THSD4: variants seen among roughly 807,000 people sequenced by gnomAD.
THSD4 encodes thrombospondin type-1 domain-containing protein 4.
In THSD4, 69 loss-of-function variants were observed where a neutral mutation model predicts 119.0. The observed-to-expected ratio is 0.58, with a 90% confidence interval of 0.48 to 0.71. The LOEUF is 0.71. THSD4 is among the 30% of genes least tolerant of loss of function. The probability of loss-of-function intolerance (pLI) is 0.00; values close to 1 mark genes in which losing one functional copy is unlikely to be tolerated. For synonymous variants in THSD4, 524 were observed against 540.4 expected, an observed-to-expected ratio of 0.97 and a Z score of 0.42; for missense variants, 1,393 against 1,391.1, an observed-to-expected ratio of 1.00 and a Z score of -0.02.
At position 71,263,564 on chromosome 15, in the gene THSD4, G is replaced by C. The variant is rs571078408; in HGVS notation, c.1015+6849G>C. Reference sequence around the variant, plus strand: ...TCTGTCTCTAAGTCTTTGAGGAATTGCCACAGTGTCTTCCACAATGGGTGA... The same window carrying C: ...TCTGTCTCTAAGTCTTTGAGGAATTCCCACAGTGTCTTCCACAATGGGTGA... On this transcript the variant is annotated intron_variant, in intron 6 of 17. Coordinates refer to ENST00000261862, the MANE Select transcript of THSD4 (RefSeq NM_024817.3). Among the ~76,000 whole-genome samples, 6 of 152,236 alleles carry C rather than the reference G, an allele frequency of 3.9e-5. No individual in the cohort carries two copies. In the South Asian group the frequency reaches 1.2e-3, roughly 32 times the overall value.
rs1309058709 is a variant in THSD4 at position 71,746,945 on chromosome 15, A to G, written c.2144A>G (p.Gln715Arg). 1 of 1,613,772 alleles carries G rather than the reference A, an allele frequency of 6.2e-7. No homozygotes were observed. The highest frequency in any genetic ancestry group is 8.5e-7 in the Non-Finnish European group (1 of 1,180,034). The change falls in exon 13 of 18, where the codon CAG becomes CGG. Residue 715 changes from glutamine to arginine, a missense_variant. Gln to Arg is a conservative substitution (Grantham distance 43). Transcript: ENST00000261862. ...QVYANRSLTV[Q>R]PYRCQHLEKP... is the part of the protein sequence containing the mutation. ...TACGCCAACCGCAGCCTGACGGTGC[A>G]GCCCTACCGCTGCCAGCACCTGGAG...
intron 6 of THSD4, among the ~76,000 whole-genome samples, chr15:71,335,361 A>G (rs576343077): frequency 6.6e-6 from 1 of 152,196 alleles, no homozygotes; most frequent in Non-Finnish European, 1.5e-5. Flanking sequence ...TGAACCAAGT[A>G]CCCCCTAACC....
Position 71,724,287 on chromosome 15 carries a change from A to ATATATATATAT in THSD4, c.1358-4261_1358-4260insATATATATATT. ...ATGGGATATATATATATATATATAT[A>ATATATATATAT]TTTTTTTTTTCCCCCCAAGATGGAA... On this transcript the variant is annotated intron_variant, in intron 8 of 17. Coordinates refer to ENST00000261862, the MANE Select transcript of THSD4 (RefSeq NM_024817.3). 5.9e-4 allele frequency among the ~76,000 whole-genome samples: 22 copies of ATATATATATAT among 37,282 alleles called. 1 individual carries two copies. The highest frequency in any genetic ancestry group is 1.6e-3 in the Admixed American group (4 of 2,426). 24.5% of individuals were successfully genotyped at this position (37,282 alleles called of 152,430 possible). A position where few individuals can be genotyped will look rare whatever the true frequency, so the allele number is the denominator to read the frequency against.
At position 71,631,869 on chromosome 15, in the gene THSD4, C is replaced by T. The variant is rs562800607; in HGVS notation, c.1153-28661C>T. Reference sequence around the variant, plus strand: ...TCTGGGTTTCGGTTCAGGGAACTATCATTCCGTCCAATATCCCAAGCTACA... The same window carrying T: ...TCTGGGTTTCGGTTCAGGGAACTATTATTCCGTCCAATATCCCAAGCTACA... On this transcript the variant is annotated intron_variant, in intron 7 of 17. Transcript: ENST00000261862. Among the ~76,000 whole-genome samples the T allele has an allele frequency of 2.6e-5, 4 of 152,298 alleles. No homozygotes were observed. In the East Asian group the frequency reaches 7.7e-4, roughly 29 times the overall value.
chr15:71,748,526 A>G lies in THSD4; in HGVS notation c.2347A>G (p.Asn783Asp). The G allele has an allele frequency of 6.2e-7, 1 of 1,614,186 alleles. No homozygotes were observed. Among genetic ancestry groups the G allele is most frequent in the Non-Finnish European group, 8.5e-7 (1 of 1,180,026 alleles). Residue 783 changes from asparagine (N) to aspartate (D), a missense_variant, in exon 14 of 18, where the codon AAT becomes GAT. Physicochemically the swap from Asn to Asp is conservative, Grantham distance 23. Transcript: ENST00000261862. ...GGAATGCAACATGAAGCTCCGGCCG[A>G]ATGACATTGAGAACTGCGACATGGG... ...DEECNMKLRP[N>D]DIENCDMGPC...
chr15:71,738,614 G>A (rs1230062295), intron 11 of THSD4, among the ~76,000 whole-genome samples: 2 of 152,206 alleles, frequency 1.3e-5, no homozygotes, highest in African/African-American at 4.8e-5. Flanking sequence ...CAGCTTCCAG[G>A]TGTTGCCTCC....
At chr15:71,142,091 TA>T (rs963235754) in intron 2 of THSD4, among the ~76,000 whole-genome samples, 134 of 152,008 alleles carry the variant, frequency 8.8e-4, no homozygotes, top group African/African-American at 3.0e-3. Context: ...CTAAAGAACT[TA>T]AAAAAATTGT....
At chr15:71,564,666 TATATTATAACATATAATACAA>T (rs1300723951) in intron 7 of THSD4, among the ~76,000 whole-genome samples, 1 of 75,774 alleles carries the variant, frequency 1.3e-5, no homozygotes, top group African/African-American at 8.0e-5. Flanking sequence ...CAATATATAG[TATATTATAACATATAATACAA>T]TATATAGTAT....
At chr15:71,106,272 A>G (rs1052598918) in intron 1 of THSD4, among the ~76,000 whole-genome samples, 10 of 152,280 alleles carry the variant, frequency 6.6e-5, no homozygotes, top group Middle Eastern at 3.4e-3. Flanking sequence ...CCTCAGTTCT[A>G]CACAGCTGCT....
At chr15:71,255,228 CACACACACACAA>C (rs1473791185) in intron 5 of THSD4, among the ~76,000 whole-genome samples, 1 of 152,126 alleles carries the variant, frequency 6.6e-6, no homozygotes. Flanking sequence ...ATTATTCACA[CACACACACACAA>C]ACACACACAC....
chr15:71,491,625 A>G (rs1429511597), intron 7 of THSD4, among the ~76,000 whole-genome samples: 1 of 152,072 alleles, frequency 6.6e-6, no homozygotes, highest in Admixed American at 6.6e-5. Context: ...TAATCCCAAC[A>G]CTTTAGGGGG....
intron 3 of THSD4, among the ~76,000 whole-genome samples, chr15:71,210,234 C>CT (rs2043878284): frequency 6.6e-6 from 1 of 152,182 alleles, no homozygotes; most frequent in Non-Finnish European, 1.5e-5. Flanking sequence ...GAAATAAACT[C>CT]TAAGCCTCAG....
intron 3 of THSD4, among the ~76,000 whole-genome samples, chr15:71,199,439 C>CTG (rs1333204281): frequency 5.9e-5 from 7 of 117,964 alleles, no homozygotes; most frequent in Admixed American, 9.7e-5. Context: ...GGCCAGATAA[C>CTG]TGTGTGTGTG....
intron 7 of THSD4, among the ~76,000 whole-genome samples, chr15:71,648,871 C>G (rs1318361286): frequency 6.6e-6 from 1 of 152,188 alleles, no homozygotes; most frequent in East Asian, 1.9e-4. Context: ...TAGGTACCTT[C>G]ATTTACACAT....
chr15:71,496,194 T>C (rs143176157), intron 7 of THSD4, among the ~76,000 whole-genome samples: 1 of 152,242 alleles, frequency 6.6e-6, no homozygotes, highest in East Asian at 1.9e-4. Context: ...ATTGTACCTG[T>C]CACTTACCTG....
chr15:71,430,576 G>A (rs898905700), intron 7 of THSD4, among the ~76,000 whole-genome samples: 3 of 151,852 alleles, frequency 2.0e-5, no homozygotes, highest in African/African-American at 7.3e-5. Flanking sequence ...GGCCGACATG[G>A]TGAAATGGTG....
chr15:71,294,140 C>G (rs1191133741), intron 6 of THSD4, among the ~76,000 whole-genome samples: 1 of 152,218 alleles, frequency 6.6e-6, no homozygotes, highest in Non-Finnish European at 1.5e-5. Context: ...TGTAACACCT[C>G]TCTGAACCAA....
intron 6 of THSD4, among the ~76,000 whole-genome samples, chr15:71,388,965 T>G (rs891726650): frequency 3.3e-5 from 5 of 151,994 alleles, no homozygotes; most frequent in African/African-American, 9.7e-5. Context: ...TCTCATGAGA[T>G]TTGATGGTTT....
chr15:71,238,844 C>T (rs972016882), intron 4 of THSD4, among the ~76,000 whole-genome samples: 1 of 152,204 alleles, frequency 6.6e-6, no homozygotes, highest in African/African-American at 2.4e-5. Flanking sequence ...GGTAACACTA[C>T]ATTTAGTCTT....
Sources: allele counts gnomAD v4.1 joint callset (sites outside exome capture counted in the v4.1 genomes callset), GRCh38; gene constraint gnomAD v4.1.1; transcripts MANE v1.5; gene names NCBI Gene and HGNC (gene_info 2026-07-23, HGNC 2026-07-21).